CLEC4A: variants seen among roughly 807,000 people sequenced by gnomAD.
The protein encoded by CLEC4A is C-type (calcium dependent, carbohydrate-recognition domain) lectin, superfamily member 6.
A neutral mutation model predicts 32.7 loss-of-function variants in CLEC4A; 27 were observed. The observed-to-expected ratio is 0.83, with a 90% CI of 0.61 to 1.14. The LOEUF is 1.14. CLEC4A is among the 50% of genes most tolerant of loss of function. The probability of loss-of-function intolerance (pLI) is 0.00; values close to 1 mark genes in which losing one functional copy is unlikely to be tolerated. For synonymous variants in CLEC4A, 89 were observed against 93.7 expected (o/e 0.95, Z 0.29); for missense variants, 253 against 274.6 (o/e 0.92, Z 0.55).
intron 3 of CLEC4A, chr12:8,134,615 C>T: frequency 1.2e-6 from 2 of 1,611,500 alleles, no homozygotes; most frequent in Non-Finnish European, 1.7e-6. Flanking sequence ...CCACTCCAGT[C>T]TGAGGCCCAC....
the CLEC4A span, among the ~76,000 whole-genome samples, chr12:8,117,727 T>C: frequency 2.2e-3 from 328 of 152,294 alleles, 1 homozygote; most frequent in African/African-American, 7.5e-3. Context: ...CTATTTCACT[T>C]CTATAGCTTT....
intron 1 of CLEC4A, 22 bp downstream of exon 1, chr12:8,123,982 T>C: frequency 6.8e-7 from 1 of 1,464,610 alleles, no homozygotes; most frequent in Non-Finnish European, 9.6e-7. Context: ...TTTCTAGGGG[T>C]CAGAGTGAAT....
intron 2 of CLEC4A, among the ~76,000 whole-genome samples, chr12:8,126,033 G>C (rs771439467): frequency 9.2e-5 from 14 of 152,310 alleles, no homozygotes; most frequent in African/African-American, 3.4e-4. Context: ...TGATTTGAAT[G>C]CACAGACATT....
chr12:8,114,558 T>C, the CLEC4A span, among the ~76,000 whole-genome samples: 3 of 152,246 alleles, frequency 2.0e-5, no homozygotes, highest in African/African-American at 7.2e-5. Flanking sequence ...CCTTTATTTC[T>C]GATGGAACAA....
rs5796306 is a variant in CLEC4A at position 8,136,563 on chromosome 12, C to CAA, written c.451-205_451-204dup. Among the ~76,000 whole-genome samples, 210 of 100,448 alleles carry CAA rather than the reference C, an allele frequency of 2.1e-3. 1 individual carries two copies. The highest frequency in any genetic ancestry group is 6.7e-3 in the African/African-American group (181 of 27,164). The allele number at this position is 100,448 out of a possible 152,430, so 65.9% of individuals were successfully genotyped here. A position where few individuals can be genotyped will look rare whatever the true frequency, so the allele number is the denominator to read the frequency against. On this transcript the variant is annotated intron_variant, in intron 4 of 5. Transcript: ENST00000229332. ...TGGGACAGAAAGTGAGACTCCATCT[C>CAA]AAAAAAAAAAAAAAAAAAAAATTCC...
At chr12:8,114,066 A>T in the CLEC4A span, among the ~76,000 whole-genome samples, 1 of 152,254 alleles carries the variant, frequency 6.6e-6, no homozygotes, top group South Asian at 2.1e-4. Context: ...GCAAGGTGTT[A>T]TCAGGTTGCA....
chr12:8,112,814 C>CA, the CLEC4A span, among the ~76,000 whole-genome samples: 2 of 152,100 alleles, frequency 1.3e-5, no homozygotes, highest in South Asian at 4.2e-4. Context: ...GTTTGTACTC[C>CA]AAAATTACAT....
At chr12:8,118,231 G>A in the CLEC4A span, among the ~76,000 whole-genome samples, 1 of 152,104 alleles carries the variant, frequency 6.6e-6, no homozygotes, top group Non-Finnish European at 1.5e-5. Context: ...ATGATTTCTG[G>A]TCTTGTTCTT....
the CLEC4A span, among the ~76,000 whole-genome samples, chr12:8,108,065 C>A: frequency 6.6e-6 from 1 of 152,012 alleles, no homozygotes; most frequent in Non-Finnish European, 1.5e-5. Flanking sequence ...TAGCTGTGTC[C>A]CAGAGATTCT....
the CLEC4A span, among the ~76,000 whole-genome samples, chr12:8,115,701 G>A: frequency 1.3e-5 from 2 of 152,132 alleles, no homozygotes; most frequent in Non-Finnish European, 2.9e-5. Flanking sequence ...TTTCTGCCAG[G>A]AGAAAAGCAA....
the CLEC4A span, among the ~76,000 whole-genome samples, chr12:8,103,673 T>C: frequency 4.6e-5 from 7 of 152,200 alleles, no homozygotes; most frequent in African/African-American, 1.7e-4. Context: ...CGTGAGCCAC[T>C]GCACCCAGCC....
At chr12:8,103,424 T>C in the CLEC4A span, among the ~76,000 whole-genome samples, 1 of 126,996 alleles carries the variant, frequency 7.9e-6, no homozygotes, top group East Asian at 2.8e-4. Context: ...TCTCACTCTG[T>C]CGCCCAGGCT....
upstream of CLEC4A, among the ~76,000 whole-genome samples, chr12:8,122,538 G>A (rs1188234472): frequency 6.6e-6 from 1 of 152,116 alleles, no homozygotes; most frequent in African/African-American, 2.4e-5. Flanking sequence ...CCGCGCAGGG[G>A]ATGGTGGCTT....
At chr12:8,135,809 T>C in intron 4 of CLEC4A, 73 bp downstream of exon 4, 2 of 1,495,908 alleles carry the variant, frequency 1.3e-6, no homozygotes, top group African/African-American at 1.4e-5. Context: ...AAGAAGGAGG[T>C]TTTTGTTACT....
intron 2 of CLEC4A, among the ~76,000 whole-genome samples, chr12:8,128,562 C>T (rs1170184266): frequency 1.3e-5 from 2 of 152,090 alleles, no homozygotes; most frequent in Non-Finnish European, 2.9e-5. Flanking sequence ...AGGCACCTGC[C>T]GCTGCGCCCA....
At chr12:8,113,981 T>G in the CLEC4A span, among the ~76,000 whole-genome samples, 2 of 152,184 alleles carry the variant, frequency 1.3e-5, no homozygotes, top group African/African-American at 4.8e-5. Flanking sequence ...AGGTTTGTTC[T>G]GTACAGGGGG....
chr12:8,138,507 G>A lies in CLEC4A; in HGVS notation c.*220G>A, dbSNP rs114739510. ...TTCATGTGCCAGAGCCTGTACTGGA[G>A]GCCCCCATTGTGCACACATGGAGAG... is the stretch of plus-strand genomic sequence containing the variant. On this transcript the variant is annotated 3_prime_UTR_variant, in exon 6 of 6. Transcript: ENST00000229332. 5,414 of 486,922 alleles carry A rather than the reference G, an allele frequency of 0.011. 197 individuals are homozygous for A. The highest frequency in any genetic ancestry group is 0.081 in the African/African-American group (4,069 of 50,288). 30.2% of individuals were successfully genotyped at this position (486,922 alleles called of 1,614,324 possible). A position where few individuals can be genotyped will look rare whatever the true frequency, so the allele number is the denominator to read the frequency against.
the CLEC4A span, among the ~76,000 whole-genome samples, chr12:8,112,967 T>A: frequency 7.7e-4 from 117 of 152,342 alleles, no homozygotes; most frequent in Non-Finnish European, 1.2e-3. Flanking sequence ...TGTCCATTTT[T>A]TTTTATTTTA....
In CLEC4A at chr12:8,136,920, A is replaced by T. The variant is rs758854703; in HGVS notation, c.566+17A>T. The T allele has an allele frequency of 6.4e-6, 10 of 1,550,716 alleles. No individual in the cohort carries two copies. The South Asian group carries it at 1.1e-4, about 17-fold the overall frequency. On this transcript the variant is annotated intron_variant, in intron 5 of 5. Transcript: ENST00000229332. ...AAGTTCCACGTGAGTATAGAATGAG[A>T]TAAAAGAATCTTGGGTCCTGGATCA...
Sources: allele counts gnomAD v4.1 joint callset (sites outside exome capture counted in the v4.1 genomes callset), GRCh38; gene constraint gnomAD v4.1.1; transcripts MANE v1.5; gene names NCBI Gene and HGNC (gene_info 2026-07-23, HGNC 2026-07-21).